COG5: variants seen among roughly 807,000 people sequenced by gnomAD.
COG5 encodes component of oligomeric golgi complex 5.
COG5 carries 86 observed loss-of-function variants against 110.4 expected under a neutral mutation model. The ratio of observed to expected loss-of-function variants is 0.78; its 90% CI spans 0.65 to 0.93. The LOEUF (loss-of-function observed/expected upper bound fraction) is 0.93, where lower values mean the gene tolerates loss of function less well. COG5 is among the 40% of genes least tolerant of loss of function. The pLI is 0.00. For synonymous variants in COG5, 360 were observed against 334.6 expected (o/e 1.08, Z -0.83); for missense variants, 1,077 against 987.0 (o/e 1.09, Z -1.22).
intron 19 of COG5, among the ~76,000 whole-genome samples, chr7:107,224,246 C>G (rs1181964884): frequency 2.6e-5 from 4 of 152,196 alleles, no homozygotes; most frequent in Non-Finnish European, 4.4e-5. Flanking sequence ...AGACGGCCTT[C>G]TTTCAGTTCT....
intron 6 of COG5, among the ~76,000 whole-genome samples, chr7:107,503,908 T>G (rs1461458844): frequency 3.3e-5 from 5 of 152,160 alleles, no homozygotes; most frequent in Non-Finnish European, 5.9e-5. Flanking sequence ...ATTTAGGGTT[T>G]TTCATGTATA....
intron 7 of COG5, among the ~76,000 whole-genome samples, chr7:107,377,996 C>T (rs1011375508): frequency 2.6e-5 from 4 of 152,150 alleles, no homozygotes; most frequent in African/African-American, 7.2e-5. Context: ...CAGCAGGGGT[C>T]GACAGACATC....
intron 16 of COG5, among the ~76,000 whole-genome samples, chr7:107,254,880 C>CA (rs1382365684): frequency 5.3e-5 from 8 of 151,644 alleles, no homozygotes; most frequent in African/African-American, 1.7e-4. Context: ...CATTAGAGGT[C>CA]AAAAAAATCA....
chr7:107,518,580 T>C (rs1171979888), intron 6 of COG5, among the ~76,000 whole-genome samples: 1 of 152,146 alleles, frequency 6.6e-6, no homozygotes. Flanking sequence ...TATATAATCA[T>C]AAATGGATCA....
intron 5 of COG5, among the ~76,000 whole-genome samples, chr7:107,535,248 C>T (rs981933412): frequency 6.6e-6 from 1 of 151,434 alleles, no homozygotes; most frequent in Non-Finnish European, 1.5e-5. Context: ...CCTAACATCA[C>T]AATTAAAAGA....
intron 7 of COG5, among the ~76,000 whole-genome samples, chr7:107,380,534 C>T (rs891512329): frequency 1.3e-5 from 2 of 152,140 alleles, no homozygotes; most frequent in Non-Finnish European, 2.9e-5. Context: ...ACTATAAACA[C>T]CTCTACACAA....
chr7:107,242,716 C>A (rs1801740393), intron 17 of COG5, among the ~76,000 whole-genome samples: 1 of 152,202 alleles, frequency 6.6e-6, no homozygotes, highest in South Asian at 2.1e-4. Flanking sequence ...TGCCTCTTAC[C>A]CCACTGCTTG....
chr7:107,345,083 T>A (rs887657055), intron 10 of COG5, among the ~76,000 whole-genome samples: 1 of 152,084 alleles, frequency 6.6e-6, no homozygotes, highest in African/African-American at 2.4e-5. Context: ...ACTTCAATAT[T>A]GTTGTGTCTC....
intron 6 of COG5, among the ~76,000 whole-genome samples, chr7:107,446,389 C>T (rs993403049): frequency 1.3e-5 from 2 of 152,062 alleles, no homozygotes; most frequent in African/African-American, 4.8e-5. Context: ...TTAGGTAATA[C>T]GGAACTGACA....
At chr7:107,220,744 T>C (rs1030552770) in intron 19 of COG5, among the ~76,000 whole-genome samples, 3 of 151,998 alleles carry the variant, frequency 2.0e-5, no homozygotes, top group African/African-American at 7.3e-5. Flanking sequence ...AAGTTCATAT[T>C]GTAGGTCTGG....
intron 6 of COG5, 21 bp downstream of exon 6, chr7:107,527,213 ATTT>A (rs1800830530): frequency 6.1e-6 from 9 of 1,468,060 alleles, no homozygotes; most frequent in Non-Finnish European, 6.4e-6. Flanking sequence ...CTAACTTTTT[ATTT>A]AAAAAAAAAA....
Position 107,229,280 on chromosome 7 carries a change from C to T in COG5, c.2168+1335G>A, listed in dbSNP as rs183353778. 8.9e-3 allele frequency among the ~76,000 whole-genome samples: 1,357 copies of T among 152,218 alleles called. 16 individuals are homozygous for T. Among genetic ancestry groups the T allele is most frequent in the Middle Eastern group, 0.027 (8 of 294 alleles). The stretch of plus-strand genomic sequence containing the variant: ...CCTGGCCAACATGGTGAAACACCGT[C>T]TATACTAAAAATACAAAAATTAGCT... On this transcript the variant is annotated intron_variant, in intron 19 of 21. Coordinates refer to ENST00000297135, the MANE Select transcript of COG5 (RefSeq NM_006348.5).
chr7:107,287,093 T>G (rs1805704411), intron 12 of COG5, among the ~76,000 whole-genome samples: 1 of 152,180 alleles, frequency 6.6e-6, no homozygotes, highest in African/African-American at 2.4e-5. Flanking sequence ...GGCTGGAGTT[T>G]ATTGGGGGAA....
At chr7:107,353,186 G>A (rs1812314477) in intron 10 of COG5, among the ~76,000 whole-genome samples, 1 of 152,118 alleles carries the variant, frequency 6.6e-6, no homozygotes, top group African/African-American at 2.4e-5. Context: ...AGCACTTTGG[G>A]AGGCCGAGGT....
At chr7:107,334,968 A>G (rs1463038070) in intron 10 of COG5, among the ~76,000 whole-genome samples, 1 of 152,384 alleles carries the variant, frequency 6.6e-6, no homozygotes, top group African/African-American at 2.4e-5. Context: ...TGTTAGATAT[A>G]TCATATTGAT....
chr7:107,519,589 A>T (rs1210698860), intron 6 of COG5, among the ~76,000 whole-genome samples: 1 of 152,180 alleles, frequency 6.6e-6, no homozygotes, highest in East Asian at 1.9e-4. Flanking sequence ...CCCAAGACTA[A>T]GCCAGGAAGA....
chr7:107,394,684 T>C (rs116666372), intron 7 of COG5, among the ~76,000 whole-genome samples: 2,202 of 152,268 alleles, frequency 0.014, 51 homozygotes, highest in African/African-American at 0.051. Flanking sequence ...AAATCAAGTG[T>C]GACAGGATTT....
intron 6 of COG5, among the ~76,000 whole-genome samples, chr7:107,445,392 A>G (rs1794948306): frequency 6.6e-6 from 1 of 152,168 alleles, no homozygotes; most frequent in South Asian, 2.1e-4. Context: ...CTTCAACTAA[A>G]CTATCTTGCA....
intron 6 of COG5, among the ~76,000 whole-genome samples, chr7:107,524,284 T>C (rs1800572703): frequency 6.6e-6 from 1 of 152,188 alleles, no homozygotes; most frequent in South Asian, 2.1e-4. Context: ...CCACTAGTAG[T>C]CACTCCACAT....
Sources: allele counts gnomAD v4.1 joint callset (sites outside exome capture counted in the v4.1 genomes callset), GRCh38; gene constraint gnomAD v4.1.1; transcripts MANE v1.5; gene names NCBI Gene and HGNC (gene_info 2026-07-23, HGNC 2026-07-21).